Variants in ENOSF1 observed in about 807,000 individuals in gnomAD.
The protein encoded by ENOSF1 is mitochondrial enolase superfamily member 1.
In ENOSF1, 73 loss-of-function variants were observed where a neutral mutation model predicts 68.2. The observed-to-expected ratio is 1.07, with a 90% CI of 0.89 to 1.30. The LOEUF is 1.30. Among genes scored for constraint, ENOSF1 ranks in the 50% most tolerant of loss-of-function variants. The probability of loss-of-function intolerance (pLI) is 0.00; values close to 1 mark genes in which losing one functional copy is unlikely to be tolerated. For synonymous variants in ENOSF1, 223 were observed against 210.4 expected (o/e 1.06, Z -0.52); for missense variants, 589 against 554.5 (o/e 1.06, Z -0.62).
chr18:666,170 T>TCA, downstream of ENOSF1, among the ~76,000 whole-genome samples: 1 of 149,760 alleles, frequency 6.7e-6, no homozygotes, highest in Non-Finnish European at 1.5e-5. Flanking sequence ...GTAGGTCAGA[T>TCA]GATTGGCACT....
the ENOSF1 span, among the ~76,000 whole-genome samples, chr18:664,913 G>A: frequency 3.5e-5 from 5 of 142,352 alleles, no homozygotes; most frequent in East Asian, 6.3e-4. Flanking sequence ...TGCTGGATTC[G>A]GTTTGCCAGT....
chr18:677,547 C>T (rs1041887264), intron 13 of ENOSF1, 103 bp from the exon 14 acceptor site: 25 of 1,234,184 alleles, frequency 2.0e-5, no homozygotes, highest in Non-Finnish European at 2.7e-5. Flanking sequence ...GTGATTAAAT[C>T]ATTTATTAAT....
In ENOSF1 at chr18:671,237, G is replaced by A. The variant is rs1253959266; in HGVS notation, c.*3068C>T. On this transcript the variant is annotated 3_prime_UTR_variant, in exon 16 of 16. Transcript: ENST00000647584. ...AGCCTGGGCAACATAACAAGATGCT[G>A]TTGCTACAAAAAAATGGAAAAGCTA... 3.0e-6 allele frequency: 2 copies of A among 675,810 alleles called. No homozygotes were observed. The highest frequency in any genetic ancestry group is 2.6e-6 in the Non-Finnish European group (1 of 383,902). 41.9% of individuals were successfully genotyped at this position (675,810 alleles called of 1,614,324 possible). A position where few individuals can be genotyped will look rare whatever the true frequency, so the allele number is the denominator to read the frequency against.
intron 1 of ENOSF1, chr18:712,283 A>C: frequency 2.0e-6 from 3 of 1,530,214 alleles, no homozygotes; most frequent in East Asian, 2.5e-5. Context: ...AATGGGTTCG[A>C]AGTCGGGAAG....
chr18:699,979 C>A (rs189141718), intron 2 of ENOSF1, among the ~76,000 whole-genome samples: 1 of 152,164 alleles, frequency 6.6e-6, no homozygotes, highest in Non-Finnish European at 1.5e-5. Context: ...ACTTGGGAAG[C>A]GGAGGGAGGA....
rs565311659 is a variant in ENOSF1 at position 685,313 on chromosome 18, A to T, written c.741+608T>A. Among the ~76,000 whole-genome samples, 3 of 152,154 alleles carry T rather than the reference A, an allele frequency of 2.0e-5. No homozygotes were observed. The South Asian group carries it at 6.2e-4, about 32-fold the overall frequency. On this transcript the variant is annotated intron_variant, in intron 10 of 15. Coordinates refer to ENST00000647584, the MANE Select transcript of ENOSF1 (RefSeq NM_017512.7). The stretch of plus-strand genomic sequence containing the variant: ...AGCCACAGCATCTGGCCAGCCCAGA[A>T]TCAATTTTTATCATAAGTTATTTGG...
Position 712,602 on chromosome 18 carries a change from G to A in ENOSF1, c.-15C>T, listed in dbSNP as rs1000374003. The A allele has an allele frequency of 5.9e-6, 9 of 1,531,526 alleles. No homozygotes were observed. Among genetic ancestry groups the A allele is most frequent in the East Asian group, 5.0e-5 (2 of 39,872 alleles). The allele number at this position is 1,531,526 out of a possible 1,614,324, so 94.9% of individuals were successfully genotyped here. A position where few individuals can be genotyped will look rare whatever the true frequency, so the allele number is the denominator to read the frequency against. On this transcript the variant is annotated 5_prime_UTR_variant, in exon 1 of 16. It adds an upstream start codon to the 5' untranslated region. Coordinates refer to ENST00000647584, the MANE Select transcript of ENOSF1 (RefSeq NM_017512.7). ...CCGCGCACCATGGCCCCTGCGCCCCGTGGCCGCGGCCCCCGTGCGGTCAGG... is the reference window on the plus strand; with the variant it reads ...CCGCGCACCATGGCCCCTGCGCCCCATGGCCGCGGCCCCCGTGCGGTCAGG...
intron 1 of ENOSF1, among the ~76,000 whole-genome samples, chr18:707,013 T>C (rs1291413600): frequency 6.6e-6 from 1 of 151,718 alleles, no homozygotes; most frequent in South Asian, 2.1e-4. Context: ...GAGACGAAGT[T>C]TCACCATGTT....
intron 10 of ENOSF1, 102 bp from the exon 11 acceptor site, chr18:683,482 G>T: frequency 7.2e-7 from 1 of 1,382,864 alleles, no homozygotes; most frequent in Non-Finnish European, 1.0e-6. Context: ...GCCACCAACA[G>T]CTGAGTGAGA....
Position 706,598 on chromosome 18 carries a change from C to T in ENOSF1, c.85-20G>A, listed in dbSNP as rs769178905. On this transcript the variant is annotated intron_variant, in intron 1 of 15. Transcript: ENST00000647584. ...CGTGTGCTGCAGGAGAAGAGTTCCC[C>T]GCCGAAACAATGCCAGTGTGAGAAA... 4.4e-6 allele frequency: 7 copies of T among 1,575,510 alleles called. No individual in the cohort carries two copies. Among genetic ancestry groups the T allele is most frequent in the Admixed American group, 1.7e-5 (1 of 59,768 alleles).
rs2075023510 is a variant in ENOSF1, at chr18:671,102, G to C, written c.*3203C>G. 2 of 626,080 alleles carry C rather than the reference G, an allele frequency of 3.2e-6. No individual in the cohort carries two copies. Among genetic ancestry groups the C allele is most frequent in the East Asian group, 5.5e-5 (2 of 36,138 alleles). The allele number at this position is 626,080 out of a possible 1,614,324, so 38.8% of individuals were successfully genotyped here. A position where few individuals can be genotyped will look rare whatever the true frequency, so the allele number is the denominator to read the frequency against. On this transcript the variant is annotated 3_prime_UTR_variant, in exon 16 of 16. Coordinates refer to ENST00000647584, the MANE Select transcript of ENOSF1 (RefSeq NM_017512.7). ...GGTTGTTTGTGATACAGCTTCTATG[G>C]ATTTTCTCAAAAGCTATGCTGAGGT...
intron 9 of ENOSF1, 32 bp from the exon 10 acceptor site, chr18:686,040 C>T (rs778061288): frequency 2.6e-6 from 4 of 1,538,200 alleles, no homozygotes; most frequent in Middle Eastern, 1.7e-4. Context: ...CTAGTTTAGA[C>T]CTGTACCTGG....
At chr18:712,177 C>A (rs569533699) in intron 1 of ENOSF1, among the ~76,000 whole-genome samples, 1 of 152,320 alleles carries the variant, frequency 6.6e-6, no homozygotes, top group Admixed American at 6.5e-5. Context: ...AAAGAAAAAA[C>A]CCAGGAGAGT....
At chr18:666,927 T>A (rs112644733), downstream of ENOSF1, among the ~76,000 whole-genome samples, 2,933 of 54,462 alleles carry the variant, frequency 0.054, 358 homozygotes, top group Non-Finnish European at 0.062. Flanking sequence ...ATGGAGATGG[T>A]GATGGTGATG....
At chr18:706,660 C>T (rs1005120545) in intron 1 of ENOSF1, 82 bp from the exon 2 acceptor site, 1 of 1,021,008 alleles carries the variant, frequency 9.8e-7, no homozygotes, top group Non-Finnish European at 1.5e-6. Context: ...CACATGAGGA[C>T]AGACAATGCC....
chr18:678,593 T>G (rs1598536928), intron 12 of ENOSF1, 103 bp downstream of exon 12: 2 of 1,143,024 alleles, frequency 1.7e-6, no homozygotes, highest in Non-Finnish European at 2.6e-6. Context: ...CAACTCAAAG[T>G]ACAGCAGGTG....
chr18:675,558 C>T (rs1285446856), intron 14 of ENOSF1, 156 bp from the exon 15 acceptor site: 7 of 643,606 alleles, frequency 1.1e-5, no homozygotes, highest in Non-Finnish European at 1.9e-5. Context: ...CCCTAAACCT[C>T]TGTGCCTCAG....
At chr18:712,006 C>G (rs1004783658) in intron 1 of ENOSF1, among the ~76,000 whole-genome samples, 1 of 152,178 alleles carries the variant, frequency 6.6e-6, no homozygotes, top group Non-Finnish European at 1.5e-5. Context: ...CCAACCCCGT[C>G]GCGTTCAGGG....
chr18:681,496 C>A (rs2076072693), intron 11 of ENOSF1, among the ~76,000 whole-genome samples: 1 of 152,160 alleles, frequency 6.6e-6, no homozygotes, highest in Non-Finnish European at 1.5e-5. Flanking sequence ...CCTGAAAGAG[C>A]CCTAAGGAGG....
Sources: gnomAD v4.1 joint callset for allele counts (sites outside exome capture counted in the v4.1 genomes callset) on GRCh38, gnomAD v4.1.1 for gene constraint, MANE v1.5 for transcripts, NCBI Gene and HGNC (gene_info 2026-07-23, HGNC 2026-07-21) for gene names.